The following CATSPERB variants were observed in gnomAD, a reference collection of about 807,000 sequenced individuals.
The protein encoded by CATSPERB is catsper channel auxiliary subunit beta.
Under a neutral mutation model 128.3 loss-of-function variants are expected in CATSPERB, and 93 were observed. The ratio of observed to expected loss-of-function variants is 0.72; its 90% CI spans 0.61 to 0.86. CATSPERB has a LOEUF of 0.86. CATSPERB is among the 40% of genes least tolerant of loss of function. The pLI, the probability that CATSPERB is intolerant of heterozygous loss-of-function variation, is 0.00. For synonymous variants in CATSPERB, 381 were observed against 448.8 expected (o/e 0.85, Z 1.91); for missense variants, 1,153 against 1,329.5 (o/e 0.87, Z 2.06).
intron 14 of CATSPERB, 33 bp downstream of exon 14, chr14:91,669,781 T>C (rs1220021565): frequency 1.9e-6 from 3 of 1,587,110 alleles, no homozygotes; most frequent in African/African-American, 1.4e-5. Context: ...ATGATTTAAC[T>C]CTAACACAGA....
chr14:91,590,647 TTTG>T (rs1455554389), intron 23 of CATSPERB, among the ~76,000 whole-genome samples: 23 of 147,984 alleles, frequency 1.6e-4, no homozygotes, highest in African/African-American at 5.9e-4. Flanking sequence ...TCTTTTTTTG[TTTG>T]TTTGTTTTGT....
intron 1 of CATSPERB, among the ~76,000 whole-genome samples, chr14:91,730,954 G>A (rs1896200127): frequency 6.6e-6 from 1 of 152,110 alleles, no homozygotes; most frequent in South Asian, 2.1e-4. Context: ...GGAAACAAAT[G>A]GTAGATTAAA....
At chr14:91,713,317 A>T (rs545937789) in intron 5 of CATSPERB, among the ~76,000 whole-genome samples, 1 of 152,242 alleles carries the variant, frequency 6.6e-6, no homozygotes, top group East Asian at 1.9e-4. Flanking sequence ...AACCCAGTGC[A>T]AGTAGAAGGA....
intron 13 of CATSPERB, among the ~76,000 whole-genome samples, chr14:91,670,238 A>C (rs1432690231): frequency 6.6e-6 from 1 of 152,232 alleles, no homozygotes; most frequent in Admixed American, 6.5e-5. Context: ...TTTATTATAG[A>C]ATCACTGCTG....
At chr14:91,591,005 T>C (rs1893389733) in intron 23 of CATSPERB, among the ~76,000 whole-genome samples, 1 of 152,082 alleles carries the variant, frequency 6.6e-6, no homozygotes, top group Non-Finnish European at 1.5e-5. Context: ...CAATATACAG[T>C]GTCACAAGGA....
At chr14:91,587,763 T>C (rs1365555216) in intron 25 of CATSPERB, among the ~76,000 whole-genome samples, 2 of 152,154 alleles carry the variant, frequency 1.3e-5, no homozygotes, top group Non-Finnish European at 2.9e-5. Context: ...CTAGATAATA[T>C]GGCTTGCCTA....
chr14:91,723,241 A>G (rs754134643), intron 3 of CATSPERB, 52 bp from the exon 4 acceptor site: 3 of 1,330,236 alleles, frequency 2.3e-6, no homozygotes, highest in Non-Finnish European at 3.0e-6. Flanking sequence ...TGATGCAGAC[A>G]CACAAGTTAG....
intron 14 of CATSPERB, among the ~76,000 whole-genome samples, chr14:91,661,046 C>T (rs145392807): frequency 6.5e-4 from 99 of 152,244 alleles, no homozygotes; most frequent in Middle Eastern, 3.4e-3. Flanking sequence ...GCTTCTGTTA[C>T]TCAGGATGCA....
intron 26 of CATSPERB, among the ~76,000 whole-genome samples, chr14:91,585,196 T>C (rs2139754398): frequency 6.6e-6 from 1 of 152,028 alleles, no homozygotes; most frequent in East Asian, 1.9e-4. Context: ...TTTTTGTATT[T>C]GTAGAGACAG....
chr14:91,594,007 T>C (rs1221786373), intron 22 of CATSPERB, among the ~76,000 whole-genome samples: 1 of 152,202 alleles, frequency 6.6e-6, no homozygotes, highest in African/African-American at 2.4e-5. Flanking sequence ...TTCTCCTCAT[T>C]TTCTCTTGCT....
At chr14:91,679,154 A>C (rs1343964757) in intron 11 of CATSPERB, among the ~76,000 whole-genome samples, 1 of 152,164 alleles carries the variant, frequency 6.6e-6, no homozygotes, top group Admixed American at 6.5e-5. Flanking sequence ...CCAACTAAAA[A>C]CGGGTTATGA....
chr14:91,685,233 G>A (rs1377281336), intron 10 of CATSPERB, among the ~76,000 whole-genome samples: 5 of 152,238 alleles, frequency 3.3e-5, no homozygotes, highest in South Asian at 2.1e-4. Context: ...GGCCGCCAAC[G>A]AATTTTTTTA....
At chr14:91,597,498 TAAG>T (rs914067761) in intron 22 of CATSPERB, among the ~76,000 whole-genome samples, 6 of 152,250 alleles carry the variant, frequency 3.9e-5, no homozygotes, top group African/African-American at 1.4e-4. Context: ...TAACCTTTAT[TAAG>T]AAGTTCTTTA....
intron 9 of CATSPERB, 72 bp downstream of exon 9, chr14:91,693,054 G>C: frequency 9.6e-7 from 1 of 1,046,158 alleles, no homozygotes; most frequent in Non-Finnish European, 1.5e-6. Flanking sequence ...CATAACTCAA[G>C]TATTAAATAT....
At chr14:91,588,481 T>C (rs1893342724) in intron 24 of CATSPERB, among the ~76,000 whole-genome samples, 1 of 152,134 alleles carries the variant, frequency 6.6e-6, no homozygotes, top group African/African-American at 2.4e-5. Flanking sequence ...CAGGACCTCC[T>C]TAGTGATAGG....
chr14:91,691,109 C>T (rs1420265410), intron 10 of CATSPERB, among the ~76,000 whole-genome samples: 1 of 152,144 alleles, frequency 6.6e-6, no homozygotes, highest in Non-Finnish European at 1.5e-5. Context: ...ACCCCTTTCT[C>T]GAAGTAGAAC....
intron 20 of CATSPERB, among the ~76,000 whole-genome samples, chr14:91,614,499 C>T (rs1237679030): frequency 3.3e-5 from 5 of 152,112 alleles, no homozygotes; most frequent in Non-Finnish European, 7.4e-5. Context: ...CCCATCTCTA[C>T]TAAAAACACA....
In CATSPERB at chr14:91,652,475, A is replaced by G. The variant is rs186328497; in HGVS notation, c.1432+7362T>C. The stretch of plus-strand genomic sequence containing the variant: ...GGAGTTTGAGACCAGCCTGGCCAAC[A>G]AGGTGAAACCCTGTCTCTACTAACA... On this transcript the variant is annotated intron_variant, in intron 15 of 26. Coordinates refer to ENST00000256343, the MANE Select transcript of CATSPERB (RefSeq NM_024764.4). Among the ~76,000 whole-genome samples the G allele has an allele frequency of 8.8e-3, 1,326 of 150,648 alleles. 15 individuals carry two copies. The highest frequency in any genetic ancestry group is 0.044 in the Middle Eastern group (13 of 294).
intron 3 of CATSPERB, among the ~76,000 whole-genome samples, chr14:91,724,795 G>T (rs748764521): frequency 3.2e-4 from 48 of 151,994 alleles, no homozygotes; most frequent in Non-Finnish European, 6.8e-4. Flanking sequence ...ACTTCAAAAG[G>T]ACAAATCAAC....
Sources: allele counts gnomAD v4.1 joint callset (sites outside exome capture counted in the v4.1 genomes callset), GRCh38; gene constraint gnomAD v4.1.1; transcripts MANE v1.5; gene names NCBI Gene and HGNC (gene_info 2026-07-23, HGNC 2026-07-21).